Variants in ZZEF1 observed in about 807,000 individuals in gnomAD.
The protein encoded by ZZEF1 is zinc finger ZZ-type and EF-hand domain-containing protein 1.
A neutral mutation model predicts 342.8 loss-of-function variants in ZZEF1; 157 were observed. The observed-to-expected ratio is 0.46, with a 90% confidence interval of 0.40 to 0.52. The LOEUF is 0.52. ZZEF1 is among the 20% of genes least tolerant of loss of function. ZZEF1 has a pLI of 0.00. For missense variants in ZZEF1, 3,480 were observed against 3,725.6 expected, an observed-to-expected ratio of 0.93 and a Z score of 1.72; for synonymous variants, 1,505 against 1,429.1, an observed-to-expected ratio of 1.05 and a Z score of -1.20.
rs570235767 is a variant in ZZEF1 at position 4,066,460 on chromosome 17, G to C, written c.4236C>G (p.Asn1412Lys). ...EKHSSEATEV[N>K]PESLAKECIE... The stretch of plus-strand genomic sequence containing the variant: ...TAGCACACTCACCCAGGCTCTCAGG[G>C]TTCACCTCAGTAGCTTCTGAACTAT... The change falls in exon 28 of 55, where the codon AAC becomes AAG. Residue 1412 changes from asparagine (N) to lysine (K), a missense_variant. Physicochemically the swap from Asn to Lys is moderately conservative, Grantham distance 94. Coordinates refer to ENST00000381638, the MANE Select transcript of ZZEF1 (RefSeq NM_015113.4). The C allele has an allele frequency of 2.5e-6, 4 of 1,614,092 alleles. No homozygotes were observed. In the South Asian group the frequency reaches 4.4e-5, roughly 18 times the overall value.
At chr17:4,042,288 T>G in intron 39 of ZZEF1, 141 bp downstream of exon 39, 2 of 856,832 alleles carry the variant, frequency 2.3e-6, no homozygotes, top group Non-Finnish European at 3.6e-6. Context: ...ATAGGAAGGG[T>G]CAGAAGAAAA....
At chr17:4,021,623 T>C (rs1037639191) in intron 44 of ZZEF1, among the ~76,000 whole-genome samples, 1 of 152,344 alleles carries the variant, frequency 6.6e-6, no homozygotes, top group African/African-American at 2.4e-5. Flanking sequence ...CTCATATGCT[T>C]TCACCCAGCA....
At chr17:4,091,967 TC>T (rs1242329272) in intron 11 of ZZEF1, among the ~76,000 whole-genome samples, 1 of 151,022 alleles carries the variant, frequency 6.6e-6, no homozygotes, top group Non-Finnish European at 1.5e-5. Flanking sequence ...TCCCAGCTAC[TC>T]GGGAGGCTCA....
At chr17:4,041,745 T>A (rs2056808121) in intron 39 of ZZEF1, among the ~76,000 whole-genome samples, 1 of 152,094 alleles carries the variant, frequency 6.6e-6, no homozygotes. Flanking sequence ...TGCAAAAGAA[T>A]AACGAAGGCA....
chr17:4,023,997 C>CT (rs1201119164), intron 43 of ZZEF1, among the ~76,000 whole-genome samples: 1 of 152,110 alleles, frequency 6.6e-6, no homozygotes, highest in African/African-American at 2.4e-5. Context: ...CATGACCTCC[C>CT]TATCAGTGCT....
intron 39 of ZZEF1, among the ~76,000 whole-genome samples, chr17:4,037,748 T>TAA (rs2056706315): frequency 6.6e-6 from 1 of 152,188 alleles, no homozygotes; most frequent in Admixed American, 6.5e-5. Flanking sequence ...CATGCCTGGT[T>TAA]AATTTTTCTA....
At chr17:4,012,832 A>G (rs1450478255) in intron 52 of ZZEF1, among the ~76,000 whole-genome samples, 1 of 152,234 alleles carries the variant, frequency 6.6e-6, no homozygotes, top group African/African-American at 2.4e-5. Context: ...GCAAAAACAA[A>G]GCTAAAATTA....
chr17:4,134,712 G>C (rs2058720887), intron 1 of ZZEF1, among the ~76,000 whole-genome samples: 1 of 152,020 alleles, frequency 6.6e-6, no homozygotes, highest in African/African-American at 2.4e-5. Context: ...ACACGATGGA[G>C]CTTGAATTTG....
chr17:4,129,203 A>C (rs2058625500), intron 1 of ZZEF1, among the ~76,000 whole-genome samples: 1 of 152,244 alleles, frequency 6.6e-6, no homozygotes, highest in Admixed American at 6.5e-5. Flanking sequence ...TAATAAACAG[A>C]TATTGCAATC....
chr17:4,136,538 A>G (rs1038711209), intron 1 of ZZEF1, among the ~76,000 whole-genome samples: 1 of 152,166 alleles, frequency 6.6e-6, no homozygotes, highest in Non-Finnish European at 1.5e-5. Flanking sequence ...GTGGAACTAG[A>G]ACTTGCTCAC....
intron 3 of ZZEF1, 108 bp downstream of exon 3, chr17:4,116,864 C>T: frequency 8.6e-7 from 1 of 1,163,628 alleles, no homozygotes; most frequent in East Asian, 2.5e-5. Context: ...ACTCATGACT[C>T]TGTATTTTCA....
rs914003622 is a variant in ZZEF1 at position 4,014,875 on chromosome 17, T to C, written c.8146-360A>G. Among the ~76,000 whole-genome samples the C allele has an allele frequency of 6.6e-6, 1 of 152,096 alleles. No homozygotes were observed. Among genetic ancestry groups the C allele is most frequent in the African/African-American group, 2.4e-5 (1 of 41,408 alleles). On this transcript the variant is annotated intron_variant, in intron 49 of 54. Coordinates refer to ENST00000381638, the MANE Select transcript of ZZEF1 (RefSeq NM_015113.4). This position sits in a 1 kb window ranked among gnomAD's most constrained non-coding sequence, Gnocchi z 4.4. ...GTAACAGCCCTGTGAAGGTCTAGCATGTTCAGGGAATGGCAAGGAGCTTGG... is the reference window on the plus strand; with the variant it reads ...GTAACAGCCCTGTGAAGGTCTAGCACGTTCAGGGAATGGCAAGGAGCTTGG...
At chr17:4,099,833 A>C (rs2058097063) in intron 9 of ZZEF1, among the ~76,000 whole-genome samples, 1 of 152,154 alleles carries the variant, frequency 6.6e-6, no homozygotes, top group Admixed American at 6.5e-5. Context: ...GGTGTGAGCC[A>C]CTGCACCCAG....
intron 31 of ZZEF1, 48 bp downstream of exon 31, chr17:4,059,123 G>GA (rs758103797): frequency 3.5e-6 from 5 of 1,448,716 alleles, no homozygotes; most frequent in East Asian, 2.5e-5. Context: ...TTTATAATCA[G>GA]AAAAAAATAC....
At position 4,017,800 on chromosome 17, in the gene ZZEF1, G is replaced by A. The variant is rs1366468179; in HGVS notation, c.7641+36C>T. ...GTGGTGGTATGGGGTGGGGGATGGG[G>A]TGCAGATACTTTGGGTCCGAGGTCG... is the stretch of plus-strand genomic sequence containing the variant. On this transcript the variant is annotated intron_variant, in intron 47 of 54. Transcript: ENST00000381638. The surrounding 1 kb of genome is among the most constrained non-coding windows in gnomAD (Gnocchi z 5.1). 6 of 1,613,898 alleles carry A rather than the reference G, an allele frequency of 3.7e-6. No homozygotes were observed. In the Admixed American group the frequency reaches 8.3e-5, roughly 22 times the overall value.
rs779381343 is a variant in ZZEF1, at chr17:4,034,273, A to G, written c.6326T>C (p.Ile2109Thr). 79 of 1,614,114 alleles carry G rather than the reference A, an allele frequency of 4.9e-5. No individual in the cohort carries two copies. The highest frequency in any genetic ancestry group is 6.4e-5 in the Non-Finnish European group (76 of 1,180,036). The change falls in exon 40 of 55, where the codon ATA becomes ACA. Residue 2109 changes from isoleucine (I) to threonine (T), a missense_variant. This residue lies in a region of ZZEF1 where 1,269 missense variants were observed against 1,342.4 expected (regional missense o/e 0.95). Transcript: ENST00000381638. ...GAGTGGAAGGACGTGCTCCAGGTCT[A>G]TCAGGGGAACCGTGGGGCCCTGCCA... ...PLKSGPTVPL[I>T]DLEHVLPLMF...
intron 42 of ZZEF1, among the ~76,000 whole-genome samples, chr17:4,029,617 TG>T (rs1194162960): frequency 6.6e-6 from 1 of 152,144 alleles, no homozygotes; most frequent in Admixed American, 6.5e-5. Flanking sequence ...TTAAGAAACC[TG>T]TAATCCCAGC....
At chr17:4,033,720 T>C (rs971420264) in intron 40 of ZZEF1, 1 of 380,448 alleles carries the variant, frequency 2.6e-6, no homozygotes, top group African/African-American at 2.0e-5. Flanking sequence ...CAGATTTATT[T>C]GCTTCAACCT....
chr17:4,037,950 G>A (rs2727065), intron 39 of ZZEF1, among the ~76,000 whole-genome samples: 50,188 of 152,040 alleles, frequency 0.33, 10,515 homozygotes, highest in African/African-American at 0.6. Context: ...CTTGAGTAGG[G>A]AGTAAGCATT....
Sources: allele counts gnomAD v4.1 joint callset (sites outside exome capture counted in the v4.1 genomes callset), GRCh38; gene constraint gnomAD v4.1.1; regional missense constraint gnomAD v4.1.1; non-coding constraint Gnocchi (gnomAD v3.1); transcripts MANE v1.5; gene names NCBI Gene and HGNC (gene_info 2026-07-23, HGNC 2026-07-21).